The following ADAMTS12 variants were observed in gnomAD, a reference collection of about 807,000 sequenced individuals.
The protein encoded by ADAMTS12 is A disintegrin and metalloproteinase with thrombospondin motifs 12.
In ADAMTS12, 118 loss-of-function variants were observed where a neutral mutation model predicts 167.8. The observed-to-expected ratio is 0.70, with a 90% CI of 0.61 to 0.82. ADAMTS12 has a LOEUF of 0.82. ADAMTS12 is among the 40% of genes least tolerant of loss of function. The pLI is 0.00. For synonymous variants in ADAMTS12, 704 were observed against 716.9 expected, an observed-to-expected ratio of 0.98 and a Z score of 0.29; for missense variants, 1,916 against 1,998.8, an observed-to-expected ratio of 0.96 and a Z score of 0.79.
At chr5:33,533,815 C>G (rs1176645301) in intron 23 of ADAMTS12, among the ~76,000 whole-genome samples, 1 of 152,076 alleles carries the variant, frequency 6.6e-6, no homozygotes, top group Non-Finnish European at 1.5e-5. Flanking sequence ...CAAACATGTC[C>G]CAGACAGAAC....
chr5:33,674,380 G>A (rs911575511), intron 5 of ADAMTS12, among the ~76,000 whole-genome samples: 8 of 152,264 alleles, frequency 5.3e-5, no homozygotes, highest in Middle Eastern at 3.4e-3. Context: ...TGGGTGTCTC[G>A]TGTTTCTGCA....
chr5:33,802,474 C>T (rs1354560605), intron 2 of ADAMTS12, among the ~76,000 whole-genome samples: 1 of 152,192 alleles, frequency 6.6e-6, no homozygotes, highest in Non-Finnish European at 1.5e-5. Flanking sequence ...GCCACTGCTC[C>T]ACAGGATGGA....
At chr5:33,796,567 C>A (rs535467436) in intron 2 of ADAMTS12, among the ~76,000 whole-genome samples, 1 of 152,202 alleles carries the variant, frequency 6.6e-6, no homozygotes, top group Non-Finnish European at 1.5e-5. Context: ...TGAATTCCCT[C>A]ATCCCTTGTG....
At chr5:33,611,542 A>C (rs1185397238) in intron 16 of ADAMTS12, among the ~76,000 whole-genome samples, 1 of 152,206 alleles carries the variant, frequency 6.6e-6, no homozygotes, top group Non-Finnish European at 1.5e-5. Flanking sequence ...TACTATGGAA[A>C]TCAATTTGGC....
At chr5:33,535,543 C>CTTA (rs1744355292) in intron 22 of ADAMTS12, among the ~76,000 whole-genome samples, 1 of 152,124 alleles carries the variant, frequency 6.6e-6, no homozygotes, top group African/African-American at 2.4e-5. Context: ...GAAGCATGTG[C>CTTA]TTAGAGAGGA....
chr5:33,863,752 T>A (rs1749710615), intron 2 of ADAMTS12, among the ~76,000 whole-genome samples: 1 of 152,084 alleles, frequency 6.6e-6, no homozygotes, highest in Non-Finnish European at 1.5e-5. Context: ...GCCAAGACAA[T>A]CTTAATCAAA....
At chr5:33,541,907 A>G (rs1046303677) in intron 22 of ADAMTS12, among the ~76,000 whole-genome samples, 2 of 151,414 alleles carry the variant, frequency 1.3e-5, no homozygotes, top group African/African-American at 4.9e-5. Flanking sequence ...AAGACCATCA[A>G]TGCTAGGAAG....
intron 19 of ADAMTS12, among the ~76,000 whole-genome samples, chr5:33,570,526 C>A (rs1336927364): frequency 1.3e-5 from 2 of 152,114 alleles, no homozygotes; most frequent in Middle Eastern, 3.4e-3. Flanking sequence ...AAATAAAATC[C>A]TTTACAGACA....
At chr5:33,791,555 G>C (rs969689536) in intron 2 of ADAMTS12, among the ~76,000 whole-genome samples, 12 of 152,072 alleles carry the variant, frequency 7.9e-5, no homozygotes, top group African/African-American at 1.7e-4. Flanking sequence ...TTATCACCTG[G>C]GAATTAGAAA....
At position 33,891,619 on chromosome 5, in the gene ADAMTS12, T is replaced by C; in HGVS notation, c.127+111A>G. On this transcript the variant is annotated intron_variant, in intron 1 of 23. Coordinates refer to ENST00000504830, the MANE Select transcript of ADAMTS12 (RefSeq NM_030955.4). ...CAGATTTCCTTACAACGCAGCCAAA[T>C]GGCTTTTCAGAGTTCAGTTCTGCCG... 7 of 1,513,712 alleles carry C rather than the reference T, an allele frequency of 4.6e-6. No homozygotes were observed. The Admixed American group carries it at 8.0e-5, about 17-fold the overall frequency. 93.8% of individuals were successfully genotyped at this position (1,513,712 alleles called of 1,614,324 possible). A position where few individuals can be genotyped will look rare whatever the true frequency, so the allele number is the denominator to read the frequency against.
At chr5:33,538,336 A>T (rs547884674) in intron 22 of ADAMTS12, among the ~76,000 whole-genome samples, 216 of 152,194 alleles carry the variant, frequency 1.4e-3, no homozygotes, top group Non-Finnish European at 2.5e-3. Flanking sequence ...CATGGGGGAA[A>T]CTGCCCCCCA....
At chr5:33,547,784 C>T (rs955329072) in intron 21 of ADAMTS12, among the ~76,000 whole-genome samples, 25 of 152,076 alleles carry the variant, frequency 1.6e-4, no homozygotes, top group Non-Finnish European at 3.1e-4. Context: ...TTTGATTGCT[C>T]ATCTTTGATC....
At chr5:33,840,446 AAC>A (rs1331733792) in intron 2 of ADAMTS12, 2 of 152,228 alleles carry the variant, frequency 1.3e-5, no homozygotes, top group Non-Finnish European at 2.9e-5. Context: ...AGCCTGGGTT[AAC>A]TCACAGCTTG....
At chr5:33,575,953 G>C in intron 19 of ADAMTS12, 101 bp downstream of exon 19, 4 of 1,477,046 alleles carry the variant, frequency 2.7e-6, no homozygotes, top group Non-Finnish European at 3.6e-6. Context: ...TTTCACAATA[G>C]AATATATTTT....
chr5:33,638,785 A>G (rs2112165834), intron 11 of ADAMTS12, among the ~76,000 whole-genome samples: 1 of 152,344 alleles, frequency 6.6e-6, no homozygotes, highest in South Asian at 2.1e-4. Context: ...CAATGGGTGA[A>G]TAAGTTAATC....
At chr5:33,647,323 C>A (rs1245237923) in intron 9 of ADAMTS12, among the ~76,000 whole-genome samples, 1 of 152,026 alleles carries the variant, frequency 6.6e-6, no homozygotes, top group Non-Finnish European at 1.5e-5. Context: ...AAATGGATTT[C>A]CATTTATAAA....
chr5:33,588,770 G>A lies in ADAMTS12; in HGVS notation c.2694C>T (p.Cys898=), dbSNP rs765398659. Residue 898 remains cysteine (C), a synonymous_variant, in exon 18 of 24, where the codon TGC becomes TGT. Transcript: ENST00000504830. ...TTCGCTTCTTCTCCCCGTGGGGCCC[G>A]CATGTCGCCGAGCATGCTTCCCACT... The part of the protein sequence containing the change: ...AGEWEACSAT[C]GPHGEKKRTV... 4 of 1,613,754 alleles carry A rather than the reference G, an allele frequency of 2.5e-6. No individual in the cohort carries two copies. The highest frequency in any genetic ancestry group is 1.7e-5 in the Admixed American group (1 of 60,014).
In ADAMTS12 at chr5:33,849,343, A is replaced by G. The variant is rs181770645; in HGVS notation, c.489+31776T>C. On this transcript the variant is annotated intron_variant, in intron 2 of 23. Coordinates refer to ENST00000504830, the MANE Select transcript of ADAMTS12 (RefSeq NM_030955.4). The stretch of plus-strand genomic sequence containing the variant: ...GCTATATATATATGTATTGAATAGC[A>G]ATATATATATGTATTGAATAGCAAT... Among the ~76,000 whole-genome samples the G allele has an allele frequency of 6.4e-4, 84 of 130,282 alleles. 13 individuals carry two copies. The highest frequency in any genetic ancestry group is 0.021 in the Middle Eastern group (2 of 96). The allele number at this position is 130,282 out of a possible 152,430, so 85.5% of individuals were successfully genotyped here.
intron 5 of ADAMTS12, among the ~76,000 whole-genome samples, chr5:33,676,683 TACACACAC>T (rs141431526): frequency 7.3e-6 from 1 of 136,394 alleles, no homozygotes; most frequent in Admixed American, 7.4e-5. Context: ...CTGTCTATCT[TACACACAC>T]ACACACACAC....
Sources: allele counts gnomAD v4.1 joint callset (sites outside exome capture counted in the v4.1 genomes callset), GRCh38; gene constraint gnomAD v4.1.1; transcripts MANE v1.5; gene names NCBI Gene and HGNC (gene_info 2026-07-23, HGNC 2026-07-21).